The following AKNA variants were observed in gnomAD, a reference collection of about 807,000 sequenced individuals.
The protein encoded by AKNA is AT-hook transcription factor.
Under a neutral mutation model 138.8 loss-of-function variants are expected in AKNA, and 67 were observed. The observed-to-expected ratio is 0.48, with a 90% confidence interval of 0.40 to 0.59. AKNA has a LOEUF of 0.59. Ranked by LOEUF, AKNA falls within the 20% of genes least tolerant of loss-of-function variation. AKNA has a pLI of 0.00. For missense variants in AKNA, 1,813 were observed against 1,880.4 expected (o/e 0.96, Z 0.66); for synonymous variants, 737 against 754.4 (o/e 0.98, Z 0.38).
At chr9:114,394,577 T>G (rs1175650963), upstream of AKNA, among the ~76,000 whole-genome samples, 1 of 152,144 alleles carries the variant, frequency 6.6e-6, no homozygotes, top group African/African-American at 2.4e-5. Context: ...CACATGAAAA[T>G]CACTAAAAGG....
chr9:114,388,887 G>A (rs975954311), upstream of AKNA, among the ~76,000 whole-genome samples: 3 of 152,180 alleles, frequency 2.0e-5, no homozygotes, highest in African/African-American at 7.2e-5. Flanking sequence ...GACGATCCGT[G>A]TCCCAGGCCA....
intron 15 of AKNA, chr9:114,348,923 G>A (rs1564622955): frequency 2.2e-6 from 1 of 456,310 alleles, no homozygotes; most frequent in Non-Finnish European, 4.4e-6. Context: ...GTATCCCCTG[G>A]TGCCGCCTCC....
At chr9:114,368,248 T>G (rs374408064) in intron 5 of AKNA, 191 bp downstream of exon 5, 1 of 561,600 alleles carries the variant, frequency 1.8e-6, no homozygotes. Context: ...GCCCCCAGGC[T>G]GCTGTGGATC....
intron 4 of AKNA, among the ~76,000 whole-genome samples, chr9:114,368,804 G>A (rs1227057707): frequency 1.3e-5 from 2 of 152,162 alleles, no homozygotes; most frequent in Admixed American, 1.3e-4. Context: ...AAGACAGGGT[G>A]GGGACCCCAA....
At chr9:114,381,580 C>A in intron 1 of AKNA, 134 bp from the exon 2 acceptor site, 1 of 850,456 alleles carries the variant, frequency 1.2e-6, no homozygotes. Flanking sequence ...GAAGCTGTGT[C>A]ACCTTGGGCA....
At position 114,376,504 on chromosome 9, in the gene AKNA, T is replaced by A. The variant is rs1833215714; in HGVS notation, c.1303A>T (p.Thr435Ser). ...PITRVPQEFQTPEQATELVHQ... is the reference protein window; with the variant it reads ...PITRVPQEFQSPEQATELVHQ... Reference sequence around the variant, plus strand: ...ACCAGCTCAGTGGCTTGCTCAGGCGTCTGAAATTCTTGGGGTACCCTGGTG... The same window carrying A: ...ACCAGCTCAGTGGCTTGCTCAGGCGACTGAAATTCTTGGGGTACCCTGGTG... The change falls in exon 3 of 22, where the codon ACG (threonine) becomes TCG (serine). Residue 435 changes from threonine to serine, a missense_variant. Coordinates refer to ENST00000374088, the MANE Select transcript of AKNA (RefSeq NM_001317950.2). 2 of 1,613,846 alleles carry A rather than the reference T, an allele frequency of 1.2e-6. No homozygotes were observed. Among genetic ancestry groups the A allele is most frequent in the Non-Finnish European group, 1.7e-6 (2 of 1,179,916 alleles).
chr9:114,337,368 A>G, intron 21 of AKNA, 62 bp from the exon 22 acceptor site: 4 of 1,370,204 alleles, frequency 2.9e-6, no homozygotes, highest in Non-Finnish European at 3.8e-6. Context: ...GCCGAGGAGC[A>G]CCGTGTGTGG....
At chr9:114,354,568 C>T (rs1024220455) in intron 14 of AKNA, among the ~76,000 whole-genome samples, 2 of 151,900 alleles carry the variant, frequency 1.3e-5, no homozygotes, top group Admixed American at 1.3e-4. Flanking sequence ...AAAAAATTAG[C>T]CAGGCATGGT....
Position 114,376,913 on chromosome 9 carries a change from C to T in AKNA, c.894G>A (p.Lys298=). ...GTGGCTTAGGTGACGTCTTTGTCTG[C>T]TTCCAGATGTGTTCCTTGGGCTGAG... is the stretch of plus-strand genomic sequence containing the variant. ...FCPQPKEHIW[K]QTKTSPKPLP... The change falls in exon 3 of 22, where the codon AAG becomes AAA. Residue 298 remains lysine (K), a synonymous_variant. Transcript: ENST00000374088. The T allele has an allele frequency of 6.2e-7, 1 of 1,614,234 alleles. No individual in the cohort carries two copies. The highest frequency in any genetic ancestry group is 8.5e-7 in the Non-Finnish European group (1 of 1,180,028).
intron 15 of AKNA, among the ~76,000 whole-genome samples, chr9:114,350,174 G>A (rs543619308): frequency 1.3e-5 from 2 of 152,262 alleles, no homozygotes; most frequent in Non-Finnish European, 2.9e-5. Flanking sequence ...GTCAGGGGAG[G>A]CTGCAGGGGT....
chr9:114,337,177 G>A lies in AKNA; in HGVS notation c.4197C>T (p.Asn1399=). The A allele has an allele frequency of 6.2e-7, 1 of 1,610,474 alleles. No individual in the cohort carries two copies. The highest frequency in any genetic ancestry group is 1.1e-5 in the South Asian group (1 of 90,770). The change falls in exon 22 of 22, where the codon AAC becomes AAT. Residue 1399 remains asparagine (N), a synonymous_variant. Coordinates refer to ENST00000374088, the MANE Select transcript of AKNA (RefSeq NM_001317950.2). ...CCTGCACGGCCCGGCTCAGGGCCTT[G>A]TTGAGCTCCTCTAGGTCGCCCAGGT... ...QLDLGDLEEL[N]KALSRAVQAA... is the part of the protein sequence containing the mutation.
chr9:114,380,881 G>T (rs948798793), intron 2 of AKNA, among the ~76,000 whole-genome samples, 179 bp downstream of exon 2: 1 of 150,834 alleles, frequency 6.6e-6, no homozygotes, highest in Non-Finnish European at 1.5e-5. Context: ...TACTCGGGAC[G>T]CTGAGGCAAG....
Position 114,337,308 on chromosome 9 carries a change from T to C in AKNA, c.4068-2A>G, listed in dbSNP as rs1183210400. 2 of 1,458,954 alleles carry C rather than the reference T, an allele frequency of 1.4e-6. No individual in the cohort carries two copies. Among genetic ancestry groups the C allele is most frequent in the Non-Finnish European group, 1.8e-6 (2 of 1,093,496 alleles). 90.4% of individuals were successfully genotyped at this position (1,458,954 alleles called of 1,614,324 possible). ...GTAGGTCCTGCAGGCGCATAGTACC[T>C]GAGGAGAGAAGTGAGTGGGCTCGTT... On this transcript the variant is annotated splice_acceptor_variant, in intron 21 of 21. Transcript: ENST00000374088. LOFTEE classifies it high-confidence loss of function.
Position 114,356,878 on chromosome 9 carries a change from C to T in AKNA, c.2831G>A (p.Arg944Gln), listed in dbSNP as rs769607216. Residue 944 changes from arginine to glutamine, a missense_variant, in exon 13 of 22, where the codon CGG becomes CAG. Coordinates refer to ENST00000374088, the MANE Select transcript of AKNA (RefSeq NM_001317950.2). ...CCCGGGATACCTGATGTGGGAGAGCCGGTGCTCTGGAGTCTGGGTGAGGGG... is the reference window on the plus strand; with the variant it reads ...CCCGGGATACCTGATGTGGGAGAGCTGGTGCTCTGGAGTCTGGGTGAGGGG... Reference protein sequence around the residue: ...VSPLTQTPEHRLSHISTAGTL... With the variant: ...VSPLTQTPEHQLSHISTAGTL... 20 of 1,554,814 alleles carry T rather than the reference C, an allele frequency of 1.3e-5. No individual in the cohort carries two copies. The highest frequency in any genetic ancestry group is 3.7e-5 in the South Asian group (3 of 81,880).
At chr9:114,369,876 T>TCATCATCATAACCATCAC (rs1832642027) in intron 4 of AKNA, among the ~76,000 whole-genome samples, 2 of 152,046 alleles carry the variant, frequency 1.3e-5, no homozygotes, top group Non-Finnish European at 1.5e-5. Flanking sequence ...ACCATTACCG[T>TCATCATCATAACCATCAC]CATCATCATA....
intron 15 of AKNA, 40 bp from the exon 16 acceptor site, chr9:114,347,940 T>A (rs1564621987): frequency 1.3e-6 from 2 of 1,541,826 alleles, no homozygotes; most frequent in East Asian, 5.0e-5. Flanking sequence ...AACAGAGGCA[T>A]GAGGAACAGA....
chr9:114,359,473 G>A, intron 11 of AKNA, 121 bp downstream of exon 11: 4 of 1,561,986 alleles, frequency 2.6e-6, no homozygotes, highest in Non-Finnish European at 3.5e-6. Flanking sequence ...CACACTTGAA[G>A]AGGCAGGACA....
intron 1 of AKNA, among the ~76,000 whole-genome samples, chr9:114,385,836 C>T (rs1465264363): frequency 6.6e-6 from 1 of 152,228 alleles, no homozygotes; most frequent in Non-Finnish European, 1.5e-5. Flanking sequence ...CAACTACCTG[C>T]CAACCTCAGG....
At chr9:114,361,987 A>G in intron 8 of AKNA, 76 bp from the exon 9 acceptor site, 1 of 1,476,866 alleles carries the variant, frequency 6.8e-7, no homozygotes, top group Non-Finnish European at 9.3e-7. Flanking sequence ...AGAGTATCAG[A>G]GCAGAGACTC....
Sources: gnomAD v4.1 joint callset for allele counts (sites outside exome capture counted in the v4.1 genomes callset) on GRCh38, gnomAD v4.1.1 for gene constraint, MANE v1.5 for transcripts, NCBI Gene and HGNC (gene_info 2026-07-23, HGNC 2026-07-21) for gene names.